PDE4D: variants seen among roughly 807,000 people sequenced by gnomAD.
The protein encoded by PDE4D is phosphodiesterase 4D.
Under a neutral mutation model 87.4 loss-of-function variants are expected in PDE4D, and 24 were observed. The observed-to-expected ratio is 0.27, with a 90% CI of 0.20 to 0.39. The LOEUF is 0.39. Ranked by LOEUF, PDE4D falls within the 10% of genes least tolerant of loss-of-function variation. PDE4D has a pLI of 1.00. For synonymous variants in PDE4D, 384 were observed against 383.2 expected, an observed-to-expected ratio of 1.00 and a Z score of -0.02; for missense variants, 714 against 1,041.0, an observed-to-expected ratio of 0.69 and a Z score of 4.32.
chr5:60,200,305 A>G (rs1391713101), intron 1 of PDE4D, among the ~76,000 whole-genome samples: 1 of 151,656 alleles, frequency 6.6e-6, no homozygotes, highest in East Asian at 1.9e-4. Flanking sequence ...AATCCAGGAT[A>G]TGTATGTTTT....
chr5:60,103,793 A>G (rs1776511336), intron 2 of PDE4D, among the ~76,000 whole-genome samples: 1 of 152,226 alleles, frequency 6.6e-6, no homozygotes, highest in Admixed American at 6.5e-5. Flanking sequence ...ACAGGGAAAA[A>G]TCTAATTTAC....
At chr5:59,439,221 T>C (rs1797222395) in intron 1 of PDE4D, among the ~76,000 whole-genome samples, 1 of 152,084 alleles carries the variant, frequency 6.6e-6, no homozygotes, top group Non-Finnish European at 1.5e-5. Context: ...TAGCTGTGCA[T>C]GGTGGCACAC....
chr5:59,463,235 C>T (rs76134114), intron 1 of PDE4D, among the ~76,000 whole-genome samples: 2,800 of 152,108 alleles, frequency 0.018, 88 homozygotes, highest in African/African-American at 0.065. Flanking sequence ...TGAAACATGA[C>T]GTTTGTTTGT....
intron 3 of PDE4D, among the ~76,000 whole-genome samples, chr5:59,900,667 T>C (rs891911624): frequency 3.9e-5 from 6 of 152,204 alleles, no homozygotes; most frequent in Admixed American, 3.9e-4. Context: ...GATTACTCAG[T>C]TGCTAAATGT....
At chr5:59,765,698 A>G (rs938535805) in intron 1 of PDE4D, among the ~76,000 whole-genome samples, 1 of 152,222 alleles carries the variant, frequency 6.6e-6, no homozygotes, top group African/African-American at 2.4e-5. Context: ...GAACCACAGG[A>G]TGGTAGAATT....
intron 2 of PDE4D, among the ~76,000 whole-genome samples, chr5:60,152,220 CTT>C (rs1781567970): frequency 6.6e-6 from 1 of 152,066 alleles, no homozygotes; most frequent in Admixed American, 6.5e-5. Flanking sequence ...AATTTTCTTT[CTT>C]TGAGTGTCTT....
At chr5:59,027,571 T>C (rs1756472716) in intron 6 of PDE4D, among the ~76,000 whole-genome samples, 1 of 152,196 alleles carries the variant, frequency 6.6e-6, no homozygotes, top group Non-Finnish European at 1.5e-5. Flanking sequence ...GATATTTATT[T>C]TACCCTTTGG....
intron 1 of PDE4D, among the ~76,000 whole-genome samples, chr5:60,397,671 T>G (rs1001441267): frequency 2.0e-5 from 3 of 152,156 alleles, no homozygotes; most frequent in Non-Finnish European, 4.4e-5. Context: ...GAGATATTGG[T>G]CAAAGGATAG....
chr5:59,308,049 A>T (rs902508079), intron 1 of PDE4D, among the ~76,000 whole-genome samples: 33 of 152,280 alleles, frequency 2.2e-4, no homozygotes, highest in African/African-American at 7.9e-4. Flanking sequence ...TGATGAGTTC[A>T]TGTCCTTTGT....
At chr5:59,628,636 A>G (rs896031891) in intron 1 of PDE4D, among the ~76,000 whole-genome samples, 1 of 152,048 alleles carries the variant, frequency 6.6e-6, no homozygotes, top group Admixed American at 6.6e-5. Flanking sequence ...GAATAGAACA[A>G]CCTCCAAGAC....
chr5:59,522,116 C>T (rs1812348178), intron 1 of PDE4D, among the ~76,000 whole-genome samples: 1 of 152,014 alleles, frequency 6.6e-6, no homozygotes, highest in Non-Finnish European at 1.5e-5. Context: ...AAACAGAGTT[C>T]ACATAAAGCA....
chr5:59,438,112 G>A (rs1424207487), intron 1 of PDE4D, among the ~76,000 whole-genome samples: 1 of 152,082 alleles, frequency 6.6e-6, no homozygotes, highest in Non-Finnish European at 1.5e-5. Flanking sequence ...CACAACACAT[G>A]GGGATTGTTG....
chr5:59,126,896 C>T lies in PDE4D; in HGVS notation c.808+53699G>A, dbSNP rs770177772. ...CTCTATGTTGTTTTCATATTCCTGG[C>T]GGTGGGTGGAGAGTTAGAGTGGAAC... On this transcript the variant is annotated intron_variant, in intron 5 of 14. Coordinates refer to ENST00000340635, the MANE Select transcript of PDE4D (RefSeq NM_001104631.2). Among the ~76,000 whole-genome samples the T allele has an allele frequency of 1.6e-4, 25 of 152,026 alleles. 1 individual carries two copies. Among genetic ancestry groups the T allele is most frequent in the South Asian group, 4.2e-4 (2 of 4,816 alleles).
intron 5 of PDE4D, among the ~76,000 whole-genome samples, chr5:59,045,392 A>G (rs1406901264): frequency 6.6e-6 from 1 of 152,086 alleles, no homozygotes; most frequent in African/African-American, 2.4e-5. Context: ...TGTCTCTACT[A>G]AAAATACAAA....
At chr5:59,317,256 C>A (rs545525151) in intron 1 of PDE4D, among the ~76,000 whole-genome samples, 1 of 152,180 alleles carries the variant, frequency 6.6e-6, no homozygotes, top group Non-Finnish European at 1.5e-5. Context: ...AAGAAGGCCA[C>A]GTGCTGGCCC....
chr5:60,374,020 T>C (rs1020171135), intron 1 of PDE4D, among the ~76,000 whole-genome samples: 1 of 152,164 alleles, frequency 6.6e-6, no homozygotes, highest in Non-Finnish European at 1.5e-5. Flanking sequence ...CTTGTCAAAA[T>C]ATATTCATGG....
At chr5:60,267,606 A>G (rs1382332019) in intron 1 of PDE4D, among the ~76,000 whole-genome samples, 1 of 152,176 alleles carries the variant, frequency 6.6e-6, no homozygotes, top group Non-Finnish European at 1.5e-5. Context: ...TATTACATCT[A>G]TGAAAGCACC....
rs116710976 is a variant in PDE4D, at chr5:59,761,517, T to C, written c.455+131651A>G. On this transcript the variant is annotated intron_variant, in intron 1 of 14. Coordinates refer to ENST00000340635, the MANE Select transcript of PDE4D (RefSeq NM_001104631.2). The stretch of plus-strand genomic sequence containing the variant: ...CAGCTGCACAAAAATATTTTCTCTA[T>C]ATCTTTATTCTATAAGCTTTTATTT... 2.3e-3 allele frequency among the ~76,000 whole-genome samples: 350 copies of C among 152,312 alleles called. 3 individuals are homozygous for C. The highest frequency in any genetic ancestry group is 6.0e-3 in the Admixed American group (92 of 15,288).
In PDE4D at chr5:60,422,302, G is replaced by A. The variant is rs141258288; in HGVS notation, c.-90+65640C>T. Among the ~76,000 whole-genome samples the A allele has an allele frequency of 9.1e-4, 139 of 152,262 alleles. 1 individual carries two copies. The highest frequency in any genetic ancestry group is 3.3e-3 in the African/African-American group (138 of 41,552). On this transcript the variant is annotated intron_variant, in intron 1 of 16. Transcript: ENST00000502484. ...TTAAGGGCAGCCAGAGAGAAAGGTC[G>A]GGTTGTCCACAAAGGGAAGCCCATC...
Sources: gnomAD v4.1 joint callset for allele counts (sites outside exome capture counted in the v4.1 genomes callset) on GRCh38, gnomAD v4.1.1 for gene constraint, MANE v1.5 for transcripts, NCBI Gene and HGNC (gene_info 2026-07-23, HGNC 2026-07-21) for gene names.